Variants in DOCK2 observed in about 807,000 individuals in gnomAD.
DOCK2 encodes dedicator of cytokinesis 2.
Under a neutral mutation model 248.9 loss-of-function variants are expected in DOCK2, and 87 were observed. The ratio of observed to expected loss-of-function variants is 0.35; its 90% CI spans 0.29 to 0.42. DOCK2 has a LOEUF of 0.42. DOCK2 is among the 10% of genes least tolerant of loss of function. DOCK2 has a pLI of 1.00. For synonymous variants in DOCK2, 805 were observed against 821.6 expected (o/e 0.98, Z 0.35); for missense variants, 1,747 against 2,300.2 (o/e 0.76, Z 4.92).
intron 27 of DOCK2, among the ~76,000 whole-genome samples, chr5:169,927,913 G>A (rs1489500243): frequency 6.6e-6 from 1 of 152,148 alleles, no homozygotes; most frequent in Non-Finnish European, 1.5e-5. Context: ...ACTGCTCCCG[G>A]CCCGAAAAAT....
intron 27 of DOCK2, among the ~76,000 whole-genome samples, chr5:169,917,965 G>A (rs1412998778): frequency 1.3e-5 from 2 of 152,208 alleles, no homozygotes; most frequent in African/African-American, 4.8e-5. Context: ...AGGACTGAAA[G>A]GAGCCCTGAG....
chr5:169,851,512 G>A (rs781144057), intron 27 of DOCK2, among the ~76,000 whole-genome samples: 5 of 152,154 alleles, frequency 3.3e-5, no homozygotes, highest in Non-Finnish European at 7.4e-5. Flanking sequence ...GGTAGGGAGT[G>A]CTCCTAGATA....
At chr5:169,698,299 T>C (rs1369015144) in intron 10 of DOCK2, 75 bp from the exon 11 acceptor site, 1 of 1,505,548 alleles carries the variant, frequency 6.6e-7, no homozygotes, top group Non-Finnish European at 9.2e-7. Flanking sequence ...TCCTGTCCCA[T>C]AAGCTCATCC....
At chr5:169,788,052 A>T (rs886180655) in intron 25 of DOCK2, among the ~76,000 whole-genome samples, 1 of 152,104 alleles carries the variant, frequency 6.6e-6, no homozygotes, top group Non-Finnish European at 1.5e-5. Flanking sequence ...TTCCTTTGAC[A>T]TCTCGTTTTG....
chr5:170,070,602 C>G (rs1757648395), intron 46 of DOCK2, among the ~76,000 whole-genome samples: 1 of 152,136 alleles, frequency 6.6e-6, no homozygotes, highest in Non-Finnish European at 1.5e-5. Context: ...CTTAGCATCC[C>G]CAGTTTGGGA....
intron 33 of DOCK2, among the ~76,000 whole-genome samples, chr5:170,023,234 G>A (rs983740557): frequency 2.6e-5 from 4 of 152,184 alleles, no homozygotes; most frequent in African/African-American, 9.7e-5. Context: ...AGAGGGGATA[G>A]CATCTGACAG....
At chr5:169,722,135 G>A (rs1378846286) in intron 22 of DOCK2, among the ~76,000 whole-genome samples, 4 of 152,310 alleles carry the variant, frequency 2.6e-5, no homozygotes, top group Non-Finnish European at 5.9e-5. Context: ...GCATTGTAAG[G>A]AACATTCAGA....
chr5:169,643,666 G>A (rs1175888935), intron 1 of DOCK2, among the ~76,000 whole-genome samples: 1 of 152,132 alleles, frequency 6.6e-6, no homozygotes, highest in Non-Finnish European at 1.5e-5. Flanking sequence ...AACCAGTACC[G>A]GTCGGTGGCC....
chr5:169,891,122 T>C (rs1773255951), intron 27 of DOCK2, among the ~76,000 whole-genome samples: 2 of 152,130 alleles, frequency 1.3e-5, no homozygotes, highest in South Asian at 4.1e-4. Context: ...TGTGACATGG[T>C]CCCTGGCCCT....
chr5:169,836,809 G>C (rs1015492303), intron 26 of DOCK2, among the ~76,000 whole-genome samples: 1 of 151,698 alleles, frequency 6.6e-6, no homozygotes, highest in Non-Finnish European at 1.5e-5. Flanking sequence ...TTCTCTACTT[G>C]GTATCATGAA....
intron 1 of DOCK2, among the ~76,000 whole-genome samples, chr5:169,638,946 A>G (rs1365566903): frequency 2.0e-5 from 3 of 152,206 alleles, no homozygotes; most frequent in African/African-American, 7.2e-5. Flanking sequence ...AAAGGCAGGG[A>G]ACTGGCATCC....
At chr5:169,991,292 C>T (rs1307559546) in intron 29 of DOCK2, among the ~76,000 whole-genome samples, 1 of 152,232 alleles carries the variant, frequency 6.6e-6, no homozygotes, top group South Asian at 2.1e-4. Flanking sequence ...AAACTGGGGA[C>T]TTGAGCCAGC....
intron 22 of DOCK2, among the ~76,000 whole-genome samples, chr5:169,743,655 G>A (rs1763450299): frequency 6.6e-6 from 1 of 152,022 alleles, no homozygotes; most frequent in South Asian, 2.1e-4. Flanking sequence ...AGGCCACACA[G>A]CAAGTATATG....
intron 27 of DOCK2, among the ~76,000 whole-genome samples, chr5:169,957,841 C>A (rs768524559): frequency 5.9e-5 from 9 of 152,168 alleles, no homozygotes; most frequent in Non-Finnish European, 1.2e-4. Context: ...CCCTGCTCCC[C>A]ACCTGCATTG....
chr5:169,847,905 C>A (rs897151451), intron 27 of DOCK2, among the ~76,000 whole-genome samples: 7 of 152,210 alleles, frequency 4.6e-5, no homozygotes, highest in African/African-American at 1.7e-4. Context: ...TTTTCTGGCC[C>A]AGTCCAAAAA....
At chr5:170,000,271 G>C (rs1337035688) in intron 30 of DOCK2, 1 of 152,216 alleles carries the variant, frequency 6.6e-6, no homozygotes, top group Non-Finnish European at 1.5e-5. Flanking sequence ...GGCTTTTGAA[G>C]AGGGTGACTA....
intron 1 of DOCK2, among the ~76,000 whole-genome samples, chr5:169,654,185 G>T (rs115487597): frequency 2.6e-5 from 4 of 152,258 alleles, no homozygotes; most frequent in Admixed American, 2.6e-4. Flanking sequence ...TGCAGGGCCT[G>T]TGTTGAGGAA....
intron 23 of DOCK2, among the ~76,000 whole-genome samples, chr5:169,758,873 T>C (rs911398808): frequency 6.6e-5 from 10 of 152,230 alleles, no homozygotes; most frequent in African/African-American, 2.4e-4. Context: ...GATTTTTTAC[T>C]TGAGTCTGAT....
chr5:169,675,627 GA>G (rs1461088230), intron 6 of DOCK2, among the ~76,000 whole-genome samples: 1 of 152,204 alleles, frequency 6.6e-6, no homozygotes, highest in Non-Finnish European at 1.5e-5. Flanking sequence ...AGGATAAAGA[GA>G]TATTAAGCAG....
Sources: allele counts gnomAD v4.1 joint callset (sites outside exome capture counted in the v4.1 genomes callset), GRCh38; gene constraint gnomAD v4.1.1; transcripts MANE v1.5; gene names NCBI Gene and HGNC (gene_info 2026-07-23, HGNC 2026-07-21).